Variants in RPS6KA2 observed in about 807,000 individuals in gnomAD.
The protein encoded by RPS6KA2 is ribosomal protein S6 kinase A2, also known as ribosomal protein S6 kinase alpha-2.
Under a neutral mutation model 91.8 loss-of-function variants are expected in RPS6KA2, and 42 were observed. The observed-to-expected ratio is 0.46, with a 90% CI of 0.36 to 0.59. The LOEUF (loss-of-function observed/expected upper bound fraction) is 0.59, where lower values mean the gene tolerates loss of function less well. RPS6KA2 is among the 20% of genes least tolerant of loss of function. The probability of loss-of-function intolerance (pLI) is 0.00; values close to 1 mark genes in which losing one functional copy is unlikely to be tolerated. For synonymous variants in RPS6KA2, 414 were observed against 393.6 expected (o/e 1.05, Z -0.61); for missense variants, 798 against 978.5 (o/e 0.82, Z 2.46).
At chr6:166,838,427 G>T (rs1780375800) in intron 2 of RPS6KA2, among the ~76,000 whole-genome samples, 1 of 152,128 alleles carries the variant, frequency 6.6e-6, no homozygotes, top group Non-Finnish European at 1.5e-5. Context: ...ATTTAGGAAT[G>T]AAATGTTATG....
chr6:166,660,665 A>G (rs1284925051), intron 2 of RPS6KA2, among the ~76,000 whole-genome samples: 1 of 152,220 alleles, frequency 6.6e-6, no homozygotes, highest in Non-Finnish European at 1.5e-5. Context: ...TTTGGGTTAC[A>G]TGAGAGTGTG....
At chr6:166,704,523 G>A (rs984176402) in intron 2 of RPS6KA2, among the ~76,000 whole-genome samples, 8 of 152,200 alleles carry the variant, frequency 5.3e-5, no homozygotes, top group Non-Finnish European at 8.8e-5. Flanking sequence ...TGTAACAGCA[G>A]GTCTGTGCTA....
intron 1 of RPS6KA2, among the ~76,000 whole-genome samples, chr6:166,568,978 T>C (rs1290531117): frequency 1.4e-4 from 22 of 152,210 alleles, no homozygotes; most frequent in Admixed American, 1.4e-3. Flanking sequence ...TTTTACCAAA[T>C]ACTGTAGTTG....
chr6:166,619,222 T>C lies in RPS6KA2; in HGVS notation c.99+7699A>G, dbSNP rs116704460. Among the ~76,000 whole-genome samples, 884 of 152,374 alleles carry C rather than the reference T, an allele frequency of 5.8e-3. 8 individuals are homozygous for C. Among genetic ancestry groups the C allele is most frequent in the African/African-American group, 0.02 (835 of 41,592 alleles). On this transcript the variant is annotated intron_variant, in intron 1 of 20. Coordinates refer to ENST00000265678, the MANE Select transcript of RPS6KA2 (RefSeq NM_021135.6). Reference sequence around the variant, plus strand: ...GAAATAAGAGACAGACCCAACCTCATGCTGTGTCTCGGGTTCTCTGGAATG... The same window carrying C: ...GAAATAAGAGACAGACCCAACCTCACGCTGTGTCTCGGGTTCTCTGGAATG...
intron 2 of RPS6KA2, among the ~76,000 whole-genome samples, chr6:166,678,980 T>C (rs1242454478): frequency 2.0e-5 from 3 of 152,210 alleles, no homozygotes. Context: ...TGGTCATTAG[T>C]AGATAAAACC....
At chr6:166,646,920 G>A (rs569929625) in intron 2 of RPS6KA2, among the ~76,000 whole-genome samples, 19 of 152,168 alleles carry the variant, frequency 1.2e-4, no homozygotes, top group Middle Eastern at 3.4e-3. Flanking sequence ...GTGTGCCTTC[G>A]GCCGCCACTC....
chr6:166,616,678 G>A (rs1384367421), intron 1 of RPS6KA2, among the ~76,000 whole-genome samples: 1 of 152,214 alleles, frequency 6.6e-6, no homozygotes, highest in Non-Finnish European at 1.5e-5. Context: ...CCAGGCCAGA[G>A]CCCAGGCCCA....
chr6:166,754,318 A>G (rs1777933410), intron 2 of RPS6KA2, among the ~76,000 whole-genome samples: 1 of 152,216 alleles, frequency 6.6e-6, no homozygotes, highest in Non-Finnish European at 1.5e-5. Context: ...CACAGATCCC[A>G]AGAGAGGGGG....
At chr6:166,534,792 A>G (rs2128493276) in intron 2 of RPS6KA2, among the ~76,000 whole-genome samples, 1 of 152,366 alleles carries the variant, frequency 6.6e-6, no homozygotes, top group East Asian at 1.9e-4. Context: ...ATGTCTGCCA[A>G]GCTTCTCTGT....
chr6:166,799,936 C>T (rs1779320512), intron 2 of RPS6KA2, among the ~76,000 whole-genome samples: 1 of 152,156 alleles, frequency 6.6e-6, no homozygotes, highest in Non-Finnish European at 1.5e-5. Flanking sequence ...TCCCCAGTAA[C>T]AGGTCATGGC....
At position 166,538,665 on chromosome 6, in the gene RPS6KA2, T is replaced by C. The variant is rs758671496; in HGVS notation, c.216+3A>G. 4.5e-6 allele frequency: 7 copies of C among 1,541,652 alleles called. No individual in the cohort carries two copies. The highest frequency in any genetic ancestry group is 6.3e-6 in the Non-Finnish European group (7 of 1,114,262). On this transcript the variant is annotated splice_donor_region_variant and intron_variant, in intron 2 of 20. Coordinates refer to ENST00000265678, the MANE Select transcript of RPS6KA2 (RefSeq NM_021135.6). ...CTCAAGAGACAGCCAGGGCTGAACT[T>C]ACCTTTCCATAGGATCCTTGTCCTA...
intron 3 of RPS6KA2, among the ~76,000 whole-genome samples, chr6:166,524,090 C>G (rs1245996091): frequency 1.3e-5 from 2 of 152,172 alleles, no homozygotes; most frequent in Non-Finnish European, 1.5e-5. Context: ...GAGAGTGACC[C>G]ACCACACAGC....
chr6:166,800,320 C>G (rs886185430), intron 2 of RPS6KA2, among the ~76,000 whole-genome samples: 4 of 152,202 alleles, frequency 2.6e-5, no homozygotes, highest in African/African-American at 9.6e-5. Flanking sequence ...GGGGAGCAGC[C>G]CAGCTCCCGG....
At chr6:166,637,683 A>T (rs1233774169) in intron 2 of RPS6KA2, among the ~76,000 whole-genome samples, 1 of 152,254 alleles carries the variant, frequency 6.6e-6, no homozygotes, top group East Asian at 1.9e-4. Flanking sequence ...TAGGGTCCTC[A>T]CTGGAGAAGG....
At chr6:166,641,704 A>G (rs1363484945) in intron 2 of RPS6KA2, among the ~76,000 whole-genome samples, 3 of 126,986 alleles carry the variant, frequency 2.4e-5, no homozygotes, top group Admixed American at 1.8e-4. Flanking sequence ...TGGGTAAAAG[A>G]GTGAGACTCT....
intron 15 of RPS6KA2, among the ~76,000 whole-genome samples, chr6:166,431,807 G>C (rs2128445994): frequency 6.6e-6 from 1 of 151,960 alleles, no homozygotes; most frequent in Non-Finnish European, 1.5e-5. Flanking sequence ...GTAGAGATGG[G>C]GTTTCACCAT....
At chr6:166,803,760 C>A (rs1413083138) in intron 2 of RPS6KA2, among the ~76,000 whole-genome samples, 1 of 152,146 alleles carries the variant, frequency 6.6e-6, no homozygotes, top group South Asian at 2.1e-4. Flanking sequence ...CTGGGAAGCA[C>A]GAGATGTTTT....
rs115852477 is a variant in RPS6KA2 at position 166,692,985 on chromosome 6, G to A, written c.124-154201C>T. 9.5e-3 allele frequency among the ~76,000 whole-genome samples: 1,442 copies of A among 152,294 alleles called. 21 individuals carry two copies. Among genetic ancestry groups the A allele is most frequent in the African/African-American group, 0.031 (1,306 of 41,556 alleles). ...TAAACATTCAGGCTAATTGTCACTCGGGATCATCCGAAACTCAGGAGAGGG... is the reference window on the plus strand; with the variant it reads ...TAAACATTCAGGCTAATTGTCACTCAGGATCATCCGAAACTCAGGAGAGGG... On this transcript the variant is annotated intron_variant, in intron 2 of 21. Transcript: ENST00000503859.
At chr6:166,724,376 A>G (rs2128586153) in intron 2 of RPS6KA2, among the ~76,000 whole-genome samples, 1 of 151,922 alleles carries the variant, frequency 6.6e-6, no homozygotes, top group Non-Finnish European at 1.5e-5. Context: ...TCATTATTCT[A>G]AGGGCCCTTA....
Sources: gnomAD v4.1 joint callset for allele counts (sites outside exome capture counted in the v4.1 genomes callset) on GRCh38, gnomAD v4.1.1 for gene constraint, MANE v1.5 for transcripts, NCBI Gene and HGNC (gene_info 2026-07-23, HGNC 2026-07-21) for gene names.